Variants in CTBP2 observed in about 807,000 individuals in gnomAD.
CTBP2 encodes C-terminal binding protein 2, also known as C-terminal-binding protein 2.
Under a neutral mutation model 80.3 loss-of-function variants are expected in CTBP2, and 30 were observed. The ratio of observed to expected loss-of-function variants is 0.37; its 90% CI spans 0.28 to 0.51. CTBP2 has a LOEUF of 0.51. Among genes scored for constraint, CTBP2 ranks in the 20% least tolerant of loss-of-function variants. The pLI, the probability that CTBP2 is intolerant of heterozygous loss-of-function variation, is 0.93. For synonymous variants in CTBP2, 594 were observed against 587.4 expected (o/e 1.01, Z -0.16); for missense variants, 1,212 against 1,375.3 (o/e 0.88, Z 1.88).
intron 1 of CTBP2, among the ~76,000 whole-genome samples, chr10:125,133,300 A>G (rs535158915): frequency 6.6e-6 from 1 of 152,284 alleles, no homozygotes; most frequent in Non-Finnish European, 1.5e-5. Context: ...GTATGTAGAG[A>G]TGGGAGAGGA....
intron 3 of CTBP2, among the ~76,000 whole-genome samples, chr10:125,036,780 T>TAC (rs1480015965): frequency 1.3e-5 from 2 of 151,348 alleles, no homozygotes; most frequent in African/African-American, 4.9e-5. Flanking sequence ...CAAGCTGGTA[T>TAC]GAGAGAAGGC....
Position 125,026,551 on chromosome 10 carries a change from A to T in CTBP2, c.1209T>A (p.Ala403=), listed in dbSNP as rs1050963716. The T allele has an allele frequency of 1.9e-6, 3 of 1,563,450 alleles. No homozygotes were observed. The highest frequency in any genetic ancestry group is 2.6e-6 in the Non-Finnish European group (3 of 1,156,168). ...GAGATGGTGCGCTGGAGGGACGGCG[A>T]GCCGGGTCTCCAGCTCGGGGGGATG... The change falls in exon 1 of 9, where the codon GCT becomes GCA. Residue 403 remains alanine (A), a synonymous_variant. Transcript: ENST00000309035.
intron 1 of CTBP2, among the ~76,000 whole-genome samples, chr10:125,012,253 C>A (rs904259579): frequency 1.3e-5 from 2 of 152,160 alleles, no homozygotes; most frequent in Non-Finnish European, 2.9e-5. Context: ...GGATAGAAGC[C>A]GGAGCAACAT....
chr10:125,126,780 C>T (rs1395717104), intron 1 of CTBP2, among the ~76,000 whole-genome samples: 1 of 152,198 alleles, frequency 6.6e-6, no homozygotes, highest in Non-Finnish European at 1.5e-5. Context: ...TAGCTATTTC[C>T]ACATTTCCAC....
exon 3 of CTBP2, chr10:125,039,106 G>C: frequency 6.6e-7 from 1 of 1,511,676 alleles, no homozygotes. Flanking sequence ...AGTCCTCTAA[G>C]AACTTAGGGG....
chr10:125,083,387 C>T (rs1412590015), intron 2 of CTBP2, among the ~76,000 whole-genome samples: 1 of 152,200 alleles, frequency 6.6e-6, no homozygotes, highest in African/African-American at 2.4e-5. Flanking sequence ...ACAGGCACCA[C>T]TGCTGAGCCT....
At position 124,984,905 on chromosome 10, in the gene CTBP2, A is replaced by G; in HGVS notation, c.*4613T>C. 1.2e-6 allele frequency: 2 copies of G among 1,614,160 alleles called. No homozygotes were observed. Among genetic ancestry groups the G allele is most frequent in the Non-Finnish European group, 1.7e-6 (2 of 1,180,040 alleles). ...ATCACCCCCTGGTCACTCAGATGGT[A>G]GAAAAATGGCTTGACCGCTACCGAC... On this transcript the variant is annotated 3_prime_UTR_variant, in exon 9 of 9. Coordinates refer to ENST00000309035, the MANE Select transcript of CTBP2 (RefSeq NM_022802.3).
At chr10:125,077,548 G>T (rs1186784335) in intron 2 of CTBP2, among the ~76,000 whole-genome samples, 1 of 152,100 alleles carries the variant, frequency 6.6e-6, no homozygotes, top group Non-Finnish European at 1.5e-5. Context: ...AATAGTAATC[G>T]GTGTGGTTCA....
At chr10:125,161,876 C>G (rs1248283522), upstream of CTBP2, among the ~76,000 whole-genome samples, 2 of 152,202 alleles carry the variant, frequency 1.3e-5, no homozygotes, top group Non-Finnish European at 2.9e-5. Context: ...GGAGCCCACG[C>G]CGTCCTGACG....
intron 1 of CTBP2, among the ~76,000 whole-genome samples, chr10:125,153,383 C>T (rs1366710056): frequency 6.6e-6 from 1 of 152,234 alleles, no homozygotes; most frequent in African/African-American, 2.4e-5. Flanking sequence ...CTTGGTCTCC[C>T]TGGACCTGAA....
chr10:125,149,754 C>T (rs1267097877), intron 1 of CTBP2, among the ~76,000 whole-genome samples: 1 of 152,232 alleles, frequency 6.6e-6, no homozygotes, highest in Non-Finnish European at 1.5e-5. Context: ...ACCTTACCCT[C>T]TATGGAAAGC....
intron 1 of CTBP2, among the ~76,000 whole-genome samples, chr10:125,151,519 G>A (rs902121211): frequency 2.0e-5 from 3 of 152,296 alleles, no homozygotes; most frequent in South Asian, 2.1e-4. Flanking sequence ...CCCAGGAGAC[G>A]AGATCCCAAG....
chr10:125,022,608 A>G (rs1046458607), intron 1 of CTBP2, among the ~76,000 whole-genome samples: 2 of 152,250 alleles, frequency 1.3e-5, no homozygotes, highest in Admixed American at 1.3e-4. Context: ...TCCAGGACTC[A>G]GGGGTCCTGG....
At chr10:125,149,605 G>A (rs61138689) in intron 1 of CTBP2, among the ~76,000 whole-genome samples, 33 of 152,304 alleles carry the variant, frequency 2.2e-4, no homozygotes, top group African/African-American at 7.5e-4. Flanking sequence ...GAGCCCCAGC[G>A]GAAACCAAGG....
rs1483399078 is a variant in CTBP2 at position 125,066,197 on chromosome 10, C to A, written c.-101-27042G>T. On this transcript the variant is annotated intron_variant, in intron 2 of 10. Coordinates refer to the CTBP2 transcript ENST00000337195. The surrounding 1 kb of genome is among the most constrained non-coding windows in gnomAD (Gnocchi z 4.1). ...TTGGCTGAGGGATGTGAGCTATGAG[C>A]CCCTACATCACAGCTTCTGTTAACA... 6.6e-6 allele frequency among the ~76,000 whole-genome samples: 1 copy of A among 152,010 alleles called. No homozygotes were observed. The highest frequency in any genetic ancestry group is 2.4e-5 in the African/African-American group (1 of 41,368).
intron 1 of CTBP2, among the ~76,000 whole-genome samples, chr10:125,121,215 C>T (rs1007682656): frequency 7.9e-5 from 12 of 152,264 alleles, no homozygotes; most frequent in African/African-American, 2.9e-4. Flanking sequence ...TCACCTGTAC[C>T]TCCCTCATGG....
At chr10:125,023,238 A>C (rs1195760725) in intron 1 of CTBP2, among the ~76,000 whole-genome samples, 1 of 152,212 alleles carries the variant, frequency 6.6e-6, no homozygotes, top group Non-Finnish European at 1.5e-5. Context: ...AAAATGGAAA[A>C]AGCTCAGAAA....
At chr10:125,098,724 C>CAGAGAGAGAGAGAG (rs1564914318) in intron 2 of CTBP2, among the ~76,000 whole-genome samples, 1 of 75,668 alleles carries the variant, frequency 1.3e-5, no homozygotes. Context: ...GAGAGAGAGA[C>CAGAGAGAGAGAGAG]AGAGAGAGAG....
At chr10:125,143,755 C>G (rs1174439571) in intron 1 of CTBP2, among the ~76,000 whole-genome samples, 1 of 152,120 alleles carries the variant, frequency 6.6e-6, no homozygotes, top group African/African-American at 2.4e-5. Context: ...ATTAAGATGT[C>G]TATGTGAAAA....
Sources: gnomAD v4.1 joint callset for allele counts (sites outside exome capture counted in the v4.1 genomes callset) on GRCh38, gnomAD v4.1.1 for gene constraint, Gnocchi (gnomAD v3.1) non-coding constraint, MANE v1.5 for transcripts, NCBI Gene and HGNC (gene_info 2026-07-23, HGNC 2026-07-21) for gene names.